DLG1: variants seen among roughly 807,000 people sequenced by gnomAD.
DLG1 encodes the protein disks large homolog 1.
Under a neutral mutation model 123.4 loss-of-function variants are expected in DLG1, and 42 were observed. The ratio of observed to expected loss-of-function variants is 0.34; its 90% CI spans 0.27 to 0.44. The LOEUF is 0.44. Among genes scored for constraint, DLG1 ranks in the 20% least tolerant of loss-of-function variants. The pLI is 1.00. For synonymous variants in DLG1, 317 were observed against 356.2 expected (o/e 0.89, Z 1.24); for missense variants, 942 against 1,082.6 (o/e 0.87, Z 1.82).
chr3:197,212,061 GAAC>G lies in DLG1; in HGVS notation c.319-17475_319-17473del. Reference sequence around the variant, plus strand: ...ACGATGAGAACTGATGAACACAAGAGAACAACAGACACTGGGATCTACTTGAGG... The same window carrying G: ...ACGATGAGAACTGATGAACACAAGAGAACAGACACTGGGATCTACTTGAGG... On this transcript the variant is annotated intron_variant, in intron 4 of 24. Transcript: ENST00000667157. 1.4e-5 allele frequency among the ~76,000 whole-genome samples: 2 copies of G among 146,364 alleles called. 1 individual carries two copies. Among genetic ancestry groups the G allele is most frequent in the East Asian group, 3.9e-4 (2 of 5,074 alleles).
intron 13 of DLG1, among the ~76,000 whole-genome samples, chr3:197,111,938 T>G (rs539264709): frequency 1.7e-4 from 26 of 152,372 alleles, no homozygotes; most frequent in Middle Eastern, 3.4e-3. Flanking sequence ...TCTAGATTAT[T>G]ATGAATAAGG....
chr3:197,280,131 T>C (rs1412335550), intron 4 of DLG1, among the ~76,000 whole-genome samples: 2 of 152,160 alleles, frequency 1.3e-5, no homozygotes, highest in Non-Finnish European at 2.9e-5. Context: ...TCTCTTCATC[T>C]TTTCCCTCTC....
intron 4 of DLG1, among the ~76,000 whole-genome samples, chr3:197,213,356 GTAAA>G (rs1254555079): frequency 6.6e-6 from 1 of 152,130 alleles, no homozygotes; most frequent in Non-Finnish European, 1.5e-5. Context: ...GTTTGAAAAT[GTAAA>G]ATAATTTATC....
intron 4 of DLG1, among the ~76,000 whole-genome samples, chr3:197,255,364 T>C (rs912538849): frequency 6.6e-6 from 1 of 152,114 alleles, no homozygotes; most frequent in East Asian, 1.9e-4. Flanking sequence ...TATGAAAAAA[T>C]GTAAAGTCAC....
At chr3:197,170,185 A>C (rs1803446675) in intron 5 of DLG1, among the ~76,000 whole-genome samples, 1 of 152,156 alleles carries the variant, frequency 6.6e-6, no homozygotes, top group Non-Finnish European at 1.5e-5. Context: ...GGTTGACTGC[A>C]TGTCTTTGCT....
chr3:197,057,951 TTTTTTA>T (rs1259775865), intron 23 of DLG1, among the ~76,000 whole-genome samples: 1 of 152,110 alleles, frequency 6.6e-6, no homozygotes, highest in African/African-American at 2.4e-5. Context: ...CTCTGCCATA[TTTTTTA>T]TTTTTAAATT....
At chr3:197,262,574 C>G (rs1759872147) in intron 4 of DLG1, among the ~76,000 whole-genome samples, 1 of 152,232 alleles carries the variant, frequency 6.6e-6, no homozygotes, top group African/African-American at 2.4e-5. Flanking sequence ...TCACAATCTA[C>G]TATTTCCATC....
intron 5 of DLG1, among the ~76,000 whole-genome samples, chr3:197,186,213 T>A (rs1715883128): frequency 6.6e-6 from 1 of 152,146 alleles, no homozygotes; most frequent in Non-Finnish European, 1.5e-5. Flanking sequence ...GGGTTTCACA[T>A]GAGATTAGAC....
Position 197,064,227 on chromosome 3 carries a change from CTT to C in DLG1, c.2373+1047_2373+1048del, listed in dbSNP as rs574295494. ...TTTTTTTTTGAGGCAGAGTTTCACT[CTT>C]GTCACCCAGGTTGGAGTGCAACGGC... On this transcript the variant is annotated intron_variant, in intron 22 of 24. Transcript: ENST00000667157. Among the ~76,000 whole-genome samples the C allele has an allele frequency of 3.6e-3, 521 of 145,002 alleles. 3 individuals carry two copies. Among genetic ancestry groups the C allele is most frequent in the African/African-American group, 0.012 (476 of 38,900 alleles).
intron 4 of DLG1, among the ~76,000 whole-genome samples, chr3:197,231,323 C>G (rs1742886591): frequency 6.6e-6 from 1 of 152,202 alleles, no homozygotes; most frequent in African/African-American, 2.4e-5. Flanking sequence ...GAATAGCCCA[C>G]AATAATGTGG....
rs140883097 is a variant in DLG1 at position 197,225,020 on chromosome 3, G to A, written c.319-30431C>T. Among the ~76,000 whole-genome samples, 189 of 152,264 alleles carry A rather than the reference G, an allele frequency of 1.2e-3. 1 individual carries two copies. The East Asian group carries it at 0.031, about 25-fold the overall frequency. ...GGCCCAGGCCGGAGTGCAGTGGCGC[G>A]ATCTTGGCTCACTGCAAGCTCCGCC... On this transcript the variant is annotated intron_variant, in intron 4 of 24. Coordinates refer to ENST00000667157, the MANE Select transcript of DLG1 (RefSeq NM_001366207.1).
chr3:197,283,627 T>C (rs1770407992), intron 3 of DLG1, among the ~76,000 whole-genome samples: 1 of 152,188 alleles, frequency 6.6e-6, no homozygotes, highest in African/African-American at 2.4e-5. Context: ...AAGTAGCAGT[T>C]ATATAACGCT....
chr3:197,205,944 T>C (rs930849637), intron 4 of DLG1, among the ~76,000 whole-genome samples: 2 of 152,246 alleles, frequency 1.3e-5, no homozygotes, highest in African/African-American at 4.8e-5. Flanking sequence ...ATCTCTCGGA[T>C]TCTGTTTTCC....
intron 11 of DLG1, among the ~76,000 whole-genome samples, chr3:197,121,776 C>A (rs1488228617): frequency 6.9e-6 from 1 of 145,756 alleles, no homozygotes; most frequent in African/African-American, 2.5e-5. Context: ...ACTTGCAAGG[C>A]TGCCTCTGTG....
intron 4 of DLG1, among the ~76,000 whole-genome samples, chr3:197,208,230 T>C (rs1374443028): frequency 1.4e-5 from 2 of 146,622 alleles, no homozygotes; most frequent in Admixed American, 6.8e-5. Flanking sequence ...TATCAGATTG[T>C]CAAATATCCA....
chr3:197,250,199 T>C (rs1753680434), intron 4 of DLG1, among the ~76,000 whole-genome samples: 1 of 152,186 alleles, frequency 6.6e-6, no homozygotes, highest in Non-Finnish European at 1.5e-5. Context: ...TACATATGCT[T>C]AGTAAAGCTG....
At chr3:197,298,308 G>A (rs1369263062) in intron 1 of DLG1, 1 of 391,252 alleles carries the variant, frequency 2.6e-6, no homozygotes, top group Non-Finnish European at 4.5e-6. Flanking sequence ...GCATCCTAAG[G>A]GAACCTCTTC....
At chr3:197,195,113 G>A (rs1229854492) in intron 4 of DLG1, among the ~76,000 whole-genome samples, 1 of 150,486 alleles carries the variant, frequency 6.6e-6, no homozygotes, top group African/African-American at 2.4e-5. Context: ...TTTAAAAAAA[G>A]CTTCCTCACA....
chr3:197,211,277 C>T (rs1731130300), intron 4 of DLG1, among the ~76,000 whole-genome samples: 1 of 146,366 alleles, frequency 6.8e-6, no homozygotes, highest in Admixed American at 6.9e-5. Flanking sequence ...CTGAACTCCT[C>T]TCCAACTCAT....
Sources: gnomAD v4.1 joint callset for allele counts (sites outside exome capture counted in the v4.1 genomes callset) on GRCh38, gnomAD v4.1.1 for gene constraint, MANE v1.5 for transcripts, NCBI Gene and HGNC (gene_info 2026-07-23, HGNC 2026-07-21) for gene names.